The following SRBD1 variants were observed in gnomAD, a reference collection of about 807,000 sequenced individuals.
SRBD1 encodes S1 RNA binding domain 1.
In SRBD1, 88 loss-of-function variants were observed where a neutral mutation model predicts 115.3. The observed-to-expected ratio is 0.76, with a 90% confidence interval of 0.64 to 0.91. The LOEUF is 0.91. Among genes scored for constraint, SRBD1 ranks in the 40% least tolerant of loss-of-function variants. SRBD1 has a pLI of 0.00. For synonymous variants in SRBD1, 509 were observed against 407.7 expected (o/e 1.25, Z -2.99); for missense variants, 1,385 against 1,177.4 (o/e 1.18, Z -2.58).
At chr2:45,471,493 T>C (rs1669645622) in intron 16 of SRBD1, among the ~76,000 whole-genome samples, 1 of 152,178 alleles carries the variant, frequency 6.6e-6, no homozygotes, top group African/African-American at 2.4e-5. Flanking sequence ...AACTTGTGTA[T>C]GAATCTTAAC....
chr2:45,480,699 T>A (rs1017288566), intron 15 of SRBD1, among the ~76,000 whole-genome samples: 2 of 152,190 alleles, frequency 1.3e-5, no homozygotes, highest in Non-Finnish European at 2.9e-5. Context: ...TTACATAAAC[T>A]TCATTGATAA....
chr2:45,574,614 AAG>A lies in SRBD1; in HGVS notation c.1169+11_1169+12del. On this transcript the variant is annotated intron_variant, in intron 8 of 20. Coordinates refer to ENST00000263736, the MANE Select transcript of SRBD1 (RefSeq NM_018079.5). ...GTCCATAAAGCAGAAAACTCCATAA[AAG>A]AGATACTCACAAGTTCCGAATGAAG... 6.2e-7 allele frequency: 1 copy of A among 1,611,216 alleles called. No individual in the cohort carries two copies.
At chr2:45,556,985 G>A (rs1672499392) in intron 10 of SRBD1, among the ~76,000 whole-genome samples, 1 of 152,034 alleles carries the variant, frequency 6.6e-6, no homozygotes, top group Non-Finnish European at 1.5e-5. Flanking sequence ...CTTCCCAAAA[G>A]AAACATCTGA....
chr2:45,440,143 T>C (rs965120448), intron 16 of SRBD1, among the ~76,000 whole-genome samples: 4 of 152,202 alleles, frequency 2.6e-5, no homozygotes, highest in Admixed American at 6.5e-5. Context: ...ATTCCATAAA[T>C]AGACGTTAAG....
chr2:45,467,185 G>A (rs1434813034), intron 16 of SRBD1, among the ~76,000 whole-genome samples: 1 of 152,298 alleles, frequency 6.6e-6, no homozygotes, highest in Admixed American at 6.5e-5. Context: ...TCTACTGACT[G>A]TATTTTCAGA....
intron 16 of SRBD1, among the ~76,000 whole-genome samples, chr2:45,440,674 A>G (rs549982294): frequency 1.3e-5 from 2 of 152,240 alleles, no homozygotes; most frequent in Admixed American, 6.5e-5. Context: ...CTTAGTCATA[A>G]AAGTGGACTT....
intron 14 of SRBD1, among the ~76,000 whole-genome samples, chr2:45,526,359 A>G (rs1355461119): frequency 6.6e-6 from 1 of 152,076 alleles, no homozygotes; most frequent in Non-Finnish European, 1.5e-5. Context: ...AAAACACCAC[A>G]TAATATGACT....
At chr2:45,529,626 T>G (rs1396948485) in intron 14 of SRBD1, among the ~76,000 whole-genome samples, 1 of 151,924 alleles carries the variant, frequency 6.6e-6, no homozygotes, top group Non-Finnish European at 1.5e-5. Context: ...CTAAACCATC[T>G]AAAAGCAGTA....
chr2:45,610,499 G>C (rs1319626949), intron 1 of SRBD1, among the ~76,000 whole-genome samples: 2 of 152,220 alleles, frequency 1.3e-5, no homozygotes, highest in Non-Finnish European at 2.9e-5. Flanking sequence ...AAAGGGGAAA[G>C]ATATGTGGCA....
intron 14 of SRBD1, among the ~76,000 whole-genome samples, chr2:45,532,544 A>C (rs1354169729): frequency 6.6e-6 from 1 of 151,812 alleles, no homozygotes; most frequent in Non-Finnish European, 1.5e-5. Context: ...GTGCTTCTGA[A>C]CTTTATTCTG....
At chr2:45,425,067 T>A (rs1291344409) in intron 16 of SRBD1, among the ~76,000 whole-genome samples, 1 of 152,228 alleles carries the variant, frequency 6.6e-6, no homozygotes, top group African/African-American at 2.4e-5. Flanking sequence ...TTAGCCCCCC[T>A]GAGCATCCTG....
chr2:45,528,523 G>A lies in SRBD1; in HGVS notation c.1874+18209C>T, dbSNP rs78123499. On this transcript the variant is annotated intron_variant, in intron 14 of 20. Coordinates refer to ENST00000263736, the MANE Select transcript of SRBD1 (RefSeq NM_018079.5). Reference sequence around the variant, plus strand: ...AAAAACACATAAAAAATAGGTTTGGGAGCCAAAGCAAAAAGCTAAATTTGG... The same window carrying A: ...AAAAACACATAAAAAATAGGTTTGGAAGCCAAAGCAAAAAGCTAAATTTGG... Among the ~76,000 whole-genome samples the A allele has an allele frequency of 5.6e-3, 855 of 151,896 alleles. 8 individuals carry two copies. The highest frequency in any genetic ancestry group is 0.02 in the African/African-American group (823 of 41,502).
chr2:45,435,764 C>G (rs1472480912), intron 16 of SRBD1, among the ~76,000 whole-genome samples: 3 of 152,008 alleles, frequency 2.0e-5, no homozygotes, highest in Non-Finnish European at 2.9e-5. Context: ...TTACACTACC[C>G]CCACCCTAAC....
intron 14 of SRBD1, among the ~76,000 whole-genome samples, chr2:45,495,392 C>G (rs1033214081): frequency 6.6e-6 from 1 of 152,142 alleles, no homozygotes; most frequent in Non-Finnish European, 1.5e-5. Flanking sequence ...GATTAAGTAC[C>G]TCTACTGAGG....
At position 45,413,514 on chromosome 2, in the gene SRBD1, T is replaced by A. The variant is rs147133556; in HGVS notation, c.2334-221A>T. Reference sequence around the variant, plus strand: ...AAAACATTCTTAACTGATTGTATAATTGCCATTCTAAGAGAGAAAAGAGGA... The same window carrying A: ...AAAACATTCTTAACTGATTGTATAAATGCCATTCTAAGAGAGAAAAGAGGA... On this transcript the variant is annotated intron_variant, in intron 18 of 20. Coordinates refer to ENST00000263736, the MANE Select transcript of SRBD1 (RefSeq NM_018079.5). 4.7e-4 allele frequency among the ~76,000 whole-genome samples: 72 copies of A among 152,288 alleles called. 1 individual carries two copies. The East Asian group carries it at 0.013, about 28-fold the overall frequency.
intron 12 of SRBD1, among the ~76,000 whole-genome samples, chr2:45,550,000 A>G (rs1672246352): frequency 6.6e-6 from 1 of 152,156 alleles, no homozygotes; most frequent in African/African-American, 2.4e-5. Context: ...TAAAAAATTA[A>G]AATAGTAAAG....
chr2:45,490,560 T>G (rs908950771), intron 14 of SRBD1, among the ~76,000 whole-genome samples: 5 of 152,170 alleles, frequency 3.3e-5, no homozygotes, highest in African/African-American at 1.2e-4. Context: ...AAAGAATATT[T>G]TTGTAAATCT....
At chr2:45,393,701 A>G (rs1344154572) in intron 19 of SRBD1, among the ~76,000 whole-genome samples, 1 of 152,186 alleles carries the variant, frequency 6.6e-6, no homozygotes, top group Non-Finnish European at 1.5e-5. Context: ...ACACTATAAT[A>G]TTCATTATAA....
intron 14 of SRBD1, among the ~76,000 whole-genome samples, chr2:45,522,503 A>G (rs1671317603): frequency 6.6e-6 from 1 of 152,190 alleles, no homozygotes; most frequent in African/African-American, 2.4e-5. Flanking sequence ...CACAAACATG[A>G]TACTCAAAGG....
Sources: gnomAD v4.1 joint callset for allele counts (sites outside exome capture counted in the v4.1 genomes callset) on GRCh38, gnomAD v4.1.1 for gene constraint, MANE v1.5 for transcripts, NCBI Gene and HGNC (gene_info 2026-07-23, HGNC 2026-07-21) for gene names.